Variants in FAM107B observed in about 807,000 individuals in gnomAD.
FAM107B encodes the protein protein FAM107B.
A neutral mutation model predicts 31.5 loss-of-function variants in FAM107B; 21 were observed. That is an observed-to-expected ratio of 0.67 (90% CI 0.47 to 0.96). The LOEUF (loss-of-function observed/expected upper bound fraction) is 0.96, where lower values mean the gene tolerates loss of function less well. Among genes scored for constraint, FAM107B ranks in the 40% least tolerant of loss-of-function variants. The pLI, the probability that FAM107B is intolerant of heterozygous loss-of-function variation, is 0.00. For missense variants in FAM107B, 452 were observed against 377.1 expected, an observed-to-expected ratio of 1.20 and a Z score of -1.64; for synonymous variants, 157 against 141.5, an observed-to-expected ratio of 1.11 and a Z score of -0.78.
At chr10:14,566,041 CGCTTCGTTTAGT>C (rs1277209805) in intron 2 of FAM107B, among the ~76,000 whole-genome samples, 1 of 152,296 alleles carries the variant, frequency 6.6e-6, no homozygotes, top group East Asian at 1.9e-4. Flanking sequence ...AGGGGCCCTA[CGCTTCGTTTAGT>C]GCTTTGCTGT....
chr10:14,597,606 A>T (rs1421913274), intron 2 of FAM107B, among the ~76,000 whole-genome samples: 1 of 152,174 alleles, frequency 6.6e-6, no homozygotes, highest in Admixed American at 6.5e-5. Context: ...CCATCCTCCA[A>T]GTGTCCCTGT....
At chr10:14,662,880 C>A (rs572458307) in intron 2 of FAM107B, among the ~76,000 whole-genome samples, 6 of 152,072 alleles carry the variant, frequency 3.9e-5, no homozygotes, top group Admixed American at 6.6e-5. Flanking sequence ...GAGGGGGTTG[C>A]CAACGGAGAT....
intron 2 of FAM107B, among the ~76,000 whole-genome samples, chr10:14,629,136 G>C (rs181778420): frequency 4.1e-5 from 6 of 144,918 alleles, no homozygotes; most frequent in African/African-American, 1.5e-4. Flanking sequence ...ATGTTTAAAG[G>C]AGTTTAACTT....
At chr10:14,566,376 T>C (rs1168765203) in intron 2 of FAM107B, among the ~76,000 whole-genome samples, 1 of 152,164 alleles carries the variant, frequency 6.6e-6, no homozygotes, top group East Asian at 1.9e-4. Flanking sequence ...TCTTCCATCC[T>C]TGCCAGCTGA....
At chr10:14,646,179 TA>T (rs1317639557) in intron 2 of FAM107B, among the ~76,000 whole-genome samples, 1 of 152,178 alleles carries the variant, frequency 6.6e-6, no homozygotes, top group Non-Finnish European at 1.5e-5. Context: ...CTTACCCACT[TA>T]AAAAAATGTT....
chr10:14,649,177 A>G (rs1266919162), intron 2 of FAM107B, among the ~76,000 whole-genome samples: 1 of 152,254 alleles, frequency 6.6e-6, no homozygotes, highest in Non-Finnish European at 1.5e-5. Flanking sequence ...GACTAACATT[A>G]GCATTAAAAC....
chr10:14,564,482 T>C (rs1850497702), intron 2 of FAM107B, among the ~76,000 whole-genome samples: 1 of 149,826 alleles, frequency 6.7e-6, no homozygotes, highest in Non-Finnish European at 1.5e-5. Context: ...TCTCTCACCA[T>C]GACTACCTCA....
At chr10:14,524,034 A>ATT (rs11288279) in intron 3 of FAM107B, among the ~76,000 whole-genome samples, 8 of 123,402 alleles carry the variant, frequency 6.5e-5, no homozygotes, top group Non-Finnish European at 1.0e-4. Flanking sequence ...GCCCAGCTCT[A>ATT]TTTTTTTTTT....
intron 1 of FAM107B, among the ~76,000 whole-genome samples, chr10:14,698,485 T>C (rs1339770116): frequency 1.3e-5 from 2 of 152,282 alleles, no homozygotes; most frequent in East Asian, 3.8e-4. Context: ...TTACTGTTTA[T>C]GCTTAATATG....
At chr10:14,579,680 T>C (rs75351353) in intron 2 of FAM107B, among the ~76,000 whole-genome samples, 3,115 of 152,254 alleles carry the variant, frequency 0.02, 125 homozygotes, top group African/African-American at 0.07. Context: ...TATTAGGAGA[T>C]AAGAGGAGGA....
At chr10:14,588,066 A>T (rs1447379954) in intron 2 of FAM107B, among the ~76,000 whole-genome samples, 2 of 152,186 alleles carry the variant, frequency 1.3e-5, no homozygotes, top group African/African-American at 2.4e-5. Context: ...AATCCATATT[A>T]ATCGACGTGA....
rs1467500553 is a variant in FAM107B at position 14,629,457 on chromosome 10, T to A, written c.469+38177A>T. Among the ~76,000 whole-genome samples the A allele has an allele frequency of 3.5e-3, 129 of 36,856 alleles. 6 individuals are homozygous for A. The highest frequency in any genetic ancestry group is 0.013 in the African/African-American group (105 of 8,040). 24.2% of individuals were successfully genotyped at this position (36,856 alleles called of 152,430 possible). On this transcript the variant is annotated intron_variant, in intron 2 of 4. Coordinates refer to ENST00000181796, the MANE Select transcript of FAM107B (RefSeq NM_031453.4). Reference sequence around the variant, plus strand: ...ATATTATATATATATTATATATATATTATATATATATTTAATATATATATA... The same window carrying A: ...ATATTATATATATATTATATATATAATATATATATATTTAATATATATATA...
chr10:14,636,553 T>C (rs1405087610), intron 2 of FAM107B, among the ~76,000 whole-genome samples: 1 of 152,186 alleles, frequency 6.6e-6, no homozygotes, highest in Admixed American at 6.5e-5. Context: ...AAATATTCTC[T>C]TTTTCTAAGG....
At chr10:14,641,748 T>G (rs1853634001) in intron 2 of FAM107B, among the ~76,000 whole-genome samples, 1 of 152,200 alleles carries the variant, frequency 6.6e-6, no homozygotes, top group African/African-American at 2.4e-5. Context: ...ACCATCACAT[T>G]GAGGATTAGG....
intron 1 of FAM107B, among the ~76,000 whole-genome samples, chr10:14,726,524 CAAGGCT>C (rs1488399070): frequency 6.6e-6 from 1 of 152,118 alleles, no homozygotes; most frequent in Non-Finnish European, 1.5e-5. Flanking sequence ...TCAGGTTCCC[CAAGGCT>C]AAATTTTGGG....
intron 1 of FAM107B, among the ~76,000 whole-genome samples, chr10:14,767,055 T>TATAA (rs1440609298): frequency 5.5e-5 from 1 of 18,268 alleles, no homozygotes; most frequent in African/African-American, 1.5e-4. Flanking sequence ...TATATATATA[T>TATAA]AGAGAGAGAG....
chr10:14,592,762 C>T (rs747198695), intron 2 of FAM107B, among the ~76,000 whole-genome samples: 7 of 152,188 alleles, frequency 4.6e-5, no homozygotes, highest in East Asian at 1.9e-4. Context: ...CAGACTGGGG[C>T]CTGCTTCTAA....
chr10:14,526,321 G>A (rs1164429698), intron 3 of FAM107B, among the ~76,000 whole-genome samples: 1 of 151,920 alleles, frequency 6.6e-6, no homozygotes, highest in Non-Finnish European at 1.5e-5. Flanking sequence ...CTACAGGCGC[G>A]TGCCACCACG....
intron 2 of FAM107B, among the ~76,000 whole-genome samples, chr10:14,581,314 C>T (rs1408679767): frequency 6.6e-6 from 1 of 152,180 alleles, no homozygotes; most frequent in African/African-American, 2.4e-5. Context: ...GCACCTGAAT[C>T]GCTGCTTAGG....
Sources: gnomAD v4.1 joint callset for allele counts (sites outside exome capture counted in the v4.1 genomes callset) on GRCh38, gnomAD v4.1.1 for gene constraint, MANE v1.5 for transcripts, NCBI Gene and HGNC (gene_info 2026-07-23, HGNC 2026-07-21) for gene names.